Variants in FAM167A observed in about 807,000 individuals in gnomAD.
FAM167A encodes protein FAM167A.
FAM167A carries 23 observed loss-of-function variants against 14.9 expected under a neutral mutation model. The ratio of observed to expected loss-of-function variants is 1.55; its 90% CI spans 1.11 to 2.19. The LOEUF (loss-of-function observed/expected upper bound fraction) is 2.19. Among genes scored for constraint, FAM167A ranks in the 30% most tolerant of loss-of-function variants. FAM167A has a pLI of 0.00. For synonymous variants in FAM167A, 174 were observed against 117.7 expected, an observed-to-expected ratio of 1.48 and a Z score of -3.10; for missense variants, 401 against 281.5, an observed-to-expected ratio of 1.42 and a Z score of -3.04.
At chr8:11,470,204 G>A (rs969323155), upstream of FAM167A, among the ~76,000 whole-genome samples, 1 of 152,194 alleles carries the variant, frequency 6.6e-6, no homozygotes, top group African/African-American at 2.4e-5. Flanking sequence ...GCAGAGGAGG[G>A]GAAGAGTGTG....
At chr8:11,467,113 C>T (rs555975780), upstream of FAM167A, among the ~76,000 whole-genome samples, 4 of 152,368 alleles carry the variant, frequency 2.6e-5, no homozygotes, top group South Asian at 4.1e-4. Context: ...CGCCCAGGGC[C>T]TCACCCACCC....
intron 2 of FAM167A, among the ~76,000 whole-genome samples, chr8:11,441,479 G>C (rs1806432682): frequency 6.6e-6 from 1 of 152,244 alleles, no homozygotes; most frequent in African/African-American, 2.4e-5. Flanking sequence ...GAGTTTGGCA[G>C]TCAATGCTCT....
At chr8:11,461,688 C>G (rs527334349) in intron 1 of FAM167A, among the ~76,000 whole-genome samples, 2 of 152,236 alleles carry the variant, frequency 1.3e-5, no homozygotes, top group Non-Finnish European at 2.9e-5. Flanking sequence ...AGCCTCCAAA[C>G]AAGGCAGATC....
chr8:11,447,702 T>A (rs898447986), intron 1 of FAM167A, among the ~76,000 whole-genome samples: 1 of 152,228 alleles, frequency 6.6e-6, no homozygotes, highest in Non-Finnish European at 1.5e-5. Flanking sequence ...TTTGACTCTG[T>A]CTCAGCCTCT....
intron 1 of FAM167A, among the ~76,000 whole-genome samples, chr8:11,474,218 C>T (rs758657123): frequency 1.1e-4 from 17 of 152,174 alleles, no homozygotes; most frequent in Non-Finnish European, 2.5e-4. Context: ...TCTTGGTTTG[C>T]GCACCACCTG....
rs1420661566 is a variant in FAM167A, at chr8:11,423,079, G to A, written c.*1294C>T. The A allele has an allele frequency of 1.3e-5, 2 of 152,614 alleles. No individual in the cohort carries two copies. The highest frequency in any genetic ancestry group is 2.9e-5 in the Non-Finnish European group (2 of 68,040). 9.5% of individuals were successfully genotyped at this position (152,614 alleles called of 1,614,324 possible). On this transcript the variant is annotated 3_prime_UTR_variant, in exon 3 of 3. Transcript: ENST00000284486. ...TATAGCCTAAACAGCTGTGCAACCT[G>A]AGGGAAGTCCTTCTCCTCCCCCAGG...
chr8:11,445,255 G>A (rs1806712399), intron 1 of FAM167A: 4 of 985,398 alleles, frequency 4.1e-6, no homozygotes, highest in Non-Finnish European at 3.6e-6. Flanking sequence ...GAGCCAGCCA[G>A]CAGGGAAACC....
intron 2 of FAM167A, chr8:11,438,098 C>A: frequency 2.2e-6 from 1 of 456,486 alleles, no homozygotes; most frequent in Non-Finnish European, 4.4e-6. Flanking sequence ...CCCACCCCAG[C>A]ACGGAAGCCA....
upstream of FAM167A, among the ~76,000 whole-genome samples, chr8:11,471,349 G>A (rs146759661): frequency 6.6e-5 from 10 of 152,294 alleles, no homozygotes; most frequent in East Asian, 1.2e-3. Context: ...AGCGCATCAC[G>A]GCTCTCCTAG....
At chr8:11,458,304 TG>T (rs1251322426) in intron 1 of FAM167A, among the ~76,000 whole-genome samples, 1 of 152,232 alleles carries the variant, frequency 6.6e-6, no homozygotes, top group Non-Finnish European at 1.5e-5. Context: ...ATGGAGCTGA[TG>T]GCTTCCTCCC....
At chr8:11,455,372 A>C in intron 1 of FAM167A, among the ~76,000 whole-genome samples, 1 of 80,086 alleles carries the variant, frequency 1.2e-5, no homozygotes, top group African/African-American at 5.1e-5. Context: ...TGAGTGTGGG[A>C]TGGTTGCCTT....
At chr8:11,464,805 G>A (rs374753484) in intron 1 of FAM167A, among the ~76,000 whole-genome samples, 2 of 152,216 alleles carry the variant, frequency 1.3e-5, no homozygotes, top group Non-Finnish European at 2.9e-5. Context: ...GCCAGGGTGT[G>A]AGAAGCCTAG....
intron 1 of FAM167A, among the ~76,000 whole-genome samples, chr8:11,457,966 G>A (rs1054818394): frequency 4.6e-5 from 7 of 152,148 alleles, no homozygotes; most frequent in South Asian, 2.1e-4. Flanking sequence ...TTTGTGTCCC[G>A]AGCACAGGGC....
At position 11,424,288 on chromosome 8, in the gene FAM167A, C is replaced by T; in HGVS notation, c.*85G>A. ...GGGACCCCTGCCTCCGGGAGACCCA[C>T]TGGAGTAACTTGGCCTCAGCTTCCT... On this transcript the variant is annotated 3_prime_UTR_variant, in exon 3 of 3. Transcript: ENST00000284486. The T allele has an allele frequency of 3.2e-6, 5 of 1,567,890 alleles. No homozygotes were observed. The Admixed American group carries it at 5.2e-5, about 16-fold the overall frequency.
At chr8:11,434,831 T>C (rs1176583967) in intron 2 of FAM167A, 5 of 348,862 alleles carry the variant, frequency 1.4e-5, no homozygotes, top group Non-Finnish European at 2.8e-5. Context: ...TCCCATCAGA[T>C]TGCATCTTGG....
At chr8:11,426,626 G>C (rs763444202) in intron 2 of FAM167A, among the ~76,000 whole-genome samples, 1 of 152,192 alleles carries the variant, frequency 6.6e-6, no homozygotes, top group Non-Finnish European at 1.5e-5. Context: ...AGATGATTTT[G>C]AGGGCCTTAA....
intron 2 of FAM167A, chr8:11,438,564 A>G (rs1014336997): frequency 1.5e-5 from 7 of 452,732 alleles, no homozygotes; most frequent in African/African-American, 6.0e-5. Flanking sequence ...TTGATTATAC[A>G]TGATATATTC....
intron 1 of FAM167A, among the ~76,000 whole-genome samples, chr8:11,473,563 T>G (rs1310063602): frequency 6.6e-6 from 1 of 152,170 alleles, no homozygotes; most frequent in Non-Finnish European, 1.5e-5. Context: ...ACGTAGATGT[T>G]CAAACAAAAA....
chr8:11,459,817 G>T (rs1807467502), intron 1 of FAM167A, among the ~76,000 whole-genome samples: 1 of 152,204 alleles, frequency 6.6e-6, no homozygotes. Flanking sequence ...CAAGGTTCAA[G>T]TGATTCTCCT....
Sources: gnomAD v4.1 joint callset for allele counts (sites outside exome capture counted in the v4.1 genomes callset) on GRCh38, gnomAD v4.1.1 for gene constraint, MANE v1.5 for transcripts, NCBI Gene and HGNC (gene_info 2026-07-23, HGNC 2026-07-21) for gene names.